VPS26B: variants seen among roughly 807,000 people sequenced by gnomAD.
VPS26B encodes VPS26 retromer complex component B.
Under a neutral mutation model 33.3 loss-of-function variants are expected in VPS26B, and 10 were observed. The observed-to-expected ratio is 0.30, with a 90% CI of 0.19 to 0.51. The LOEUF is 0.51. Ranked by LOEUF, VPS26B falls within the 20% of genes least tolerant of loss-of-function variation. The probability of loss-of-function intolerance (pLI) is 0.98; values close to 1 mark genes in which losing one functional copy is unlikely to be tolerated. For synonymous variants in VPS26B, 190 were observed against 176.9 expected (o/e 1.07, Z -0.59); for missense variants, 317 against 452.7 (o/e 0.70, Z 2.72).
chr11:134,225,285 A>C lies in VPS26B; in HGVS notation c.163A>C (p.Lys55Gln), dbSNP rs1313224434. The C allele has an allele frequency of 6.2e-7, 1 of 1,614,090 alleles. No individual in the cohort carries two copies. Among genetic ancestry groups the C allele is most frequent in the Non-Finnish European group, 8.5e-7 (1 of 1,179,966 alleles). The change falls in exon 1 of 6, where the codon AAG becomes CAG. Residue 55 changes from lysine to glutamine, a missense_variant. By Grantham distance (53) the Lys-to-Gln change is moderately conservative. Transcript: ENST00000281187. ...TVSGKVSLAL[K>Q]NPNKRLEHQG... ...CTCCGGGAAGGTGAGCCTTGCCCTC[A>C]AGAACCCCAACAAGCGGCTGGAGCA... is the stretch of plus-strand genomic sequence containing the variant.
At chr11:134,226,071 A>C (rs1344734534) in intron 1 of VPS26B, among the ~76,000 whole-genome samples, 2 of 152,234 alleles carry the variant, frequency 1.3e-5, no homozygotes, top group Non-Finnish European at 2.9e-5. Context: ...AAGTGATCAG[A>C]GTTTCTCAAT....
chr11:134,236,717 A>T lies in VPS26B; in HGVS notation c.380+1664A>T, dbSNP rs371191458. ...CGTGAAAGAAGCCTGTCACAAAAGG[A>T]CAAATACTGTCTGATTCCATATATA... On this transcript the variant is annotated intron_variant, in intron 2 of 5. Transcript: ENST00000281187. 2.6e-5 allele frequency: 4 copies of T among 152,358 alleles called. No individual in the cohort carries two copies. The East Asian group carries it at 7.7e-4, about 29-fold the overall frequency. 9.4% of individuals were successfully genotyped at this position (152,358 alleles called of 1,614,324 possible). A position where few individuals can be genotyped will look rare whatever the true frequency, so the allele number is the denominator to read the frequency against.
At chr11:134,227,894 T>G (rs1938501984) in intron 1 of VPS26B, among the ~76,000 whole-genome samples, 1 of 152,230 alleles carries the variant, frequency 6.6e-6, no homozygotes, top group Non-Finnish European at 1.5e-5. Context: ...CCTGTACCTG[T>G]TTTACCTGAA....
At chr11:134,226,400 C>T (rs1050225777) in intron 1 of VPS26B, among the ~76,000 whole-genome samples, 2 of 151,980 alleles carry the variant, frequency 1.3e-5, no homozygotes, top group Non-Finnish European at 2.9e-5. Flanking sequence ...CCAGCAAGAC[C>T]CTGTCTCAAA....
intron 1 of VPS26B, among the ~76,000 whole-genome samples, chr11:134,234,592 G>A (rs1269695159): frequency 6.6e-6 from 1 of 152,172 alleles, no homozygotes; most frequent in Admixed American, 6.5e-5. Context: ...AAGAAGTGTG[G>A]CATTTCTTAT....
Position 134,243,600 on chromosome 11 carries a change from G to T in VPS26B, c.721+306G>T, listed in dbSNP as rs930461672. 1.7e-5 allele frequency: 5 copies of T among 297,838 alleles called. No homozygotes were observed. The East Asian group carries it at 3.1e-4, about 18-fold the overall frequency. 18.4% of individuals were successfully genotyped at this position (297,838 alleles called of 1,614,324 possible). The stretch of plus-strand genomic sequence containing the variant: ...GGAAGGTCCAGGTTTAGCAGATGTG[G>T]TTTGAAAACGTTTCTGCTTCTTCCT... On this transcript the variant is annotated intron_variant, in intron 4 of 5. Coordinates refer to ENST00000281187, the MANE Select transcript of VPS26B (RefSeq NM_052875.5).
At chr11:134,227,529 T>A (rs114479194) in intron 1 of VPS26B, among the ~76,000 whole-genome samples, 3,582 of 152,268 alleles carry the variant, frequency 0.024, 126 homozygotes, top group African/African-American at 0.079. Flanking sequence ...TTGAAGAAAC[T>A]GCTTGCTGTT....
Position 134,245,133 on chromosome 11 carries a change from T to G in VPS26B, c.864+53T>G. The G allele has an allele frequency of 1.3e-6, 2 of 1,589,520 alleles. No homozygotes were observed. Among genetic ancestry groups the G allele is most frequent in the Non-Finnish European group, 1.7e-6 (2 of 1,170,156 alleles). ...ATGCCCTTGGGACAGAACAGGAGGCTCTCTTTCCTATGGAAGGTCAGACTC... is the reference window on the plus strand; with the variant it reads ...ATGCCCTTGGGACAGAACAGGAGGCGCTCTTTCCTATGGAAGGTCAGACTC... On this transcript the variant is annotated intron_variant, in intron 5 of 5. Coordinates refer to ENST00000281187, the MANE Select transcript of VPS26B (RefSeq NM_052875.5). This position sits in a 1 kb window ranked among gnomAD's most constrained non-coding sequence, Gnocchi z 4.7.
intron 1 of VPS26B, among the ~76,000 whole-genome samples, chr11:134,228,144 C>T (rs1417378386): frequency 6.6e-6 from 1 of 152,196 alleles, no homozygotes; most frequent in African/African-American, 2.4e-5. Context: ...ATTTCTTGAT[C>T]AAGAACAAGG....
chr11:134,239,499 AT>A (rs1407972495), intron 2 of VPS26B, among the ~76,000 whole-genome samples: 1 of 152,230 alleles, frequency 6.6e-6, no homozygotes, highest in South Asian at 2.1e-4. Flanking sequence ...AGAAAGGTTT[AT>A]TGGGACACTT....
chr11:134,239,179 A>C lies in VPS26B; in HGVS notation c.381-812A>C, dbSNP rs139909873. Among the ~76,000 whole-genome samples, 473 of 152,200 alleles carry C rather than the reference A, an allele frequency of 3.1e-3. 2 individuals are homozygous for C. Among genetic ancestry groups the C allele is most frequent in the Middle Eastern group, 0.02 (6 of 294 alleles). ...TCCCCTCCACAGCAGCGTCCTCCCC[A>C]GGGATCCTAGGTTCAGCCAGAGACT... On this transcript the variant is annotated intron_variant, in intron 2 of 5. Transcript: ENST00000281187.
chr11:134,236,617 T>C (rs1031996986), intron 2 of VPS26B: 1 of 152,238 alleles, frequency 6.6e-6, no homozygotes, highest in Non-Finnish European at 1.5e-5. Flanking sequence ...TACAGTGGAC[T>C]GTTATACAGC....
intron 1 of VPS26B, among the ~76,000 whole-genome samples, chr11:134,232,340 G>A (rs1043536472): frequency 6.6e-6 from 1 of 152,216 alleles, no homozygotes; most frequent in African/African-American, 2.4e-5. Context: ...TGGCAAATAG[G>A]AAGCATCGCT....
Position 134,245,435 on chromosome 11 carries a change from AT to A in VPS26B, c.865-7del. 1 of 1,613,906 alleles carries A rather than the reference AT, an allele frequency of 6.2e-7. No homozygotes were observed. The highest frequency in any genetic ancestry group is 8.5e-7 in the Non-Finnish European group (1 of 1,179,844). On this transcript the variant is annotated splice_region_variant and splice_polypyrimidine_tract_variant and intron_variant, in intron 5 of 5. Transcript: ENST00000281187. The surrounding 1 kb of genome is among the most constrained non-coding windows in gnomAD (Gnocchi z 4.7). ...AAGGTGTCACATTGCCCCCCTTTCA[AT>A]TCTGCAGGAAGTGGTGTTGTGGCGG...
At chr11:134,232,576 A>G (rs1315974459) in intron 1 of VPS26B, among the ~76,000 whole-genome samples, 1 of 152,244 alleles carries the variant, frequency 6.6e-6, no homozygotes, top group Admixed American at 6.5e-5. Flanking sequence ...CTGCTGGGGC[A>G]GGCCGAACCT....
chr11:134,243,366 T>C, intron 4 of VPS26B, 72 bp downstream of exon 4: 1 of 1,552,282 alleles, frequency 6.4e-7, no homozygotes, highest in South Asian at 1.2e-5. Flanking sequence ...CTGGAGGGGC[T>C]TGAGGGATTA....
intron 2 of VPS26B, 22 bp from the exon 3 acceptor site, chr11:134,239,969 A>G (rs776763309): frequency 4.3e-6 from 7 of 1,613,934 alleles, no homozygotes; most frequent in Non-Finnish European, 5.9e-6. Context: ...GTGTTTATTC[A>G]TGACAGTTCC....
chr11:134,234,998 T>C lies in VPS26B; in HGVS notation c.325T>C (p.Phe109Leu). The C allele has an allele frequency of 6.2e-7, 1 of 1,613,918 alleles. No individual in the cohort carries two copies. The highest frequency in any genetic ancestry group is 8.5e-7 in the Non-Finnish European group (1 of 1,179,990). Residue 109 changes from phenylalanine to leucine, a missense_variant, in exon 2 of 6, where the codon TTT (phenylalanine) becomes CTT (leucine). Coordinates refer to ENST00000281187, the MANE Select transcript of VPS26B (RefSeq NM_052875.5). ...ITQSQAFDFE[F>L]THVEKPYESY... ...CCAGTCGCAGGCCTTCGACTTTGAG[T>C]TTACCCACGTGGAGAAGCCGTATGA...
Position 134,243,217 on chromosome 11 carries a change from C to T in VPS26B, c.644C>T (p.Thr215Met), listed in dbSNP as rs772426075. 8 of 1,614,162 alleles carry T rather than the reference C, an allele frequency of 5.0e-6. No homozygotes were observed. The highest frequency in any genetic ancestry group is 1.6e-4 in the Middle Eastern group (1 of 6,062). ...ATAGACATCATCAAGCGAGAAACGA[C>T]GGGTACAGGCCCCAACGTGTACCAT... is the stretch of plus-strand genomic sequence containing the variant. ...MEIDIIKRETTGTGPNVYHEN... is the reference protein window; with the variant it reads ...MEIDIIKRETMGTGPNVYHEN... The change falls in exon 4 of 6, where the codon ACG (threonine) becomes ATG (methionine). Residue 215 changes from threonine to methionine, a missense_variant. Transcript: ENST00000281187.
Sources: allele counts gnomAD v4.1 joint callset (sites outside exome capture counted in the v4.1 genomes callset), GRCh38; gene constraint gnomAD v4.1.1; non-coding constraint Gnocchi (gnomAD v3.1); transcripts MANE v1.5; gene names NCBI Gene and HGNC (gene_info 2026-07-23, HGNC 2026-07-21).